The following ABCC3 variants were observed in gnomAD, a reference collection of about 807,000 sequenced individuals.
ABCC3 encodes the protein ATP binding cassette subfamily C member 3.
A neutral mutation model predicts 165.3 loss-of-function variants in ABCC3; 121 were observed. That is an observed-to-expected ratio of 0.73 (90% confidence interval 0.63 to 0.85). The LOEUF is 0.85. Ranked by LOEUF, ABCC3 falls within the 40% of genes least tolerant of loss-of-function variation. ABCC3 has a pLI of 0.00. For synonymous variants in ABCC3, 733 were observed against 810.1 expected, an observed-to-expected ratio of 0.90 and a Z score of 1.62; for missense variants, 1,869 against 1,964.1, an observed-to-expected ratio of 0.95 and a Z score of 0.92.
intron 26 of ABCC3, among the ~76,000 whole-genome samples, chr17:50,681,258 C>A (rs1382832497): frequency 1.3e-5 from 2 of 152,146 alleles, no homozygotes; most frequent in Non-Finnish European, 2.9e-5. Flanking sequence ...ATCGACCTTG[C>A]CTGACACCTC....
At chr17:50,675,019 C>T (rs980319592) in intron 19 of ABCC3, among the ~76,000 whole-genome samples, 2 of 151,892 alleles carry the variant, frequency 1.3e-5, no homozygotes, top group African/African-American at 2.4e-5. Context: ...AGGCTGGTCT[C>T]GATCTCCTGA....
chr17:50,658,328 TA>T (rs1967302847), intron 5 of ABCC3, 106 bp from the exon 6 acceptor site: 1 of 1,582,814 alleles, frequency 6.3e-7, no homozygotes, highest in Non-Finnish European at 8.7e-7. Flanking sequence ...CCACAATCTG[TA>T]AACTGGGGCT....
At chr17:50,668,747 GCC>G (rs1209607451) in intron 14 of ABCC3, 104 bp from the exon 15 acceptor site, 2 of 962,014 alleles carry the variant, frequency 2.1e-6, no homozygotes, top group Non-Finnish European at 3.3e-6. Flanking sequence ...CCTCCCCATG[GCC>G]CAGGCTCCTC....
intron 18 of ABCC3, 124 bp downstream of exon 18, chr17:50,673,262 G>T: frequency 7.4e-7 from 1 of 1,343,814 alleles, no homozygotes. Context: ...TGGGCATGTG[G>T]GTTGGGCATC....
intron 17 of ABCC3, 146 bp from the exon 18 acceptor site, chr17:50,672,825 T>C (rs530882058): frequency 4.5e-6 from 3 of 673,314 alleles, no homozygotes; most frequent in African/African-American, 3.7e-5. Flanking sequence ...TGAGCCAAGA[T>C]CGCACCACTG....
intron 29 of ABCC3, among the ~76,000 whole-genome samples, chr17:50,685,944 C>T (rs1968014144): frequency 6.6e-6 from 1 of 152,164 alleles, no homozygotes; most frequent in Non-Finnish European, 1.5e-5. Flanking sequence ...GCCTGTAATC[C>T]CAGCACTTTA....
chr17:50,680,501 G>A (rs1316361005), intron 26 of ABCC3, among the ~76,000 whole-genome samples: 2 of 152,052 alleles, frequency 1.3e-5, no homozygotes, highest in East Asian at 1.9e-4. Context: ...TTTGGCCCAC[G>A]CTCCTATCCT....
At position 50,687,555 on chromosome 17, in the gene ABCC3, G is replaced by A. The variant is rs559149910; in HGVS notation, c.4300G>A (p.Val1434Met). 1.5e-5 allele frequency: 24 copies of A among 1,613,666 alleles called. No individual in the cohort carries two copies. Among genetic ancestry groups the A allele is most frequent in the East Asian group, 6.7e-5 (3 of 44,886 alleles). The change falls in exon 30 of 31, where the codon GTG (valine) becomes ATG (methionine). Residue 1434 changes from valine (V) to methionine (M), a missense_variant. Val to Met is a conservative substitution (Grantham distance 21). Coordinates refer to ENST00000285238, the MANE Select transcript of ABCC3 (RefSeq NM_003786.4). ...TCCCAGCGTGGGCCAGAGGCAGCTC[G>A]TGTGCCTGGCCCGAGCCCTGCTCCG... ...ENLSVGQRQL[V>M]CLARALLRKS...
At position 50,658,843 on chromosome 17, in the gene ABCC3, T is replaced by C. The variant is rs1967315756; in HGVS notation, c.674+347T>C. Among the ~76,000 whole-genome samples, 2 of 152,228 alleles carry C rather than the reference T, an allele frequency of 1.3e-5. 1 individual carries two copies. Among genetic ancestry groups the C allele is most frequent in the South Asian group, 4.1e-4 (2 of 4,836 alleles). On this transcript the variant is annotated intron_variant, in intron 6 of 30. Transcript: ENST00000285238. ...TCCTTGGCTGCGCCTCAGAGCGGCTTGAGCAGGATAACTGTGTCTGTGACC... is the reference window on the plus strand; with the variant it reads ...TCCTTGGCTGCGCCTCAGAGCGGCTCGAGCAGGATAACTGTGTCTGTGACC...
At position 50,649,806 on chromosome 17, in the gene ABCC3, C is replaced by A. The variant is rs146673570; in HGVS notation, c.46-6026C>A. Among the ~76,000 whole-genome samples the A allele has an allele frequency of 2.8e-3, 424 of 152,202 alleles. 3 individuals are homozygous for A. Among genetic ancestry groups the A allele is most frequent in the African/African-American group, 9.9e-3 (410 of 41,532 alleles). On this transcript the variant is annotated intron_variant, in intron 1 of 30. Transcript: ENST00000285238. ...ATAAAATAAATTTTTTTAATAGGAT[C>A]ACAGGTCACTGTGAACAATAGCCGT...
In ABCC3 at chr17:50,691,233, C is replaced by A; in HGVS notation, c.*33C>A. 1 of 1,549,956 alleles carries A rather than the reference C, an allele frequency of 6.5e-7. No homozygotes were observed. On this transcript the variant is annotated 3_prime_UTR_variant, in exon 31 of 31. Coordinates refer to ENST00000285238, the MANE Select transcript of ABCC3 (RefSeq NM_003786.4). ...TCCTGAGATTTCCTCCTGGCCTTTC[C>A]TGGTTTTCATCAGGAAGGAAATGAC...
Position 50,643,333 on chromosome 17 carries a change from T to A in ABCC3, c.45+8352T>A, listed in dbSNP as rs137939985. On this transcript the variant is annotated intron_variant, in intron 1 of 30. Transcript: ENST00000285238. ...AGGCCTGGGCCAGCATGTCAGAGAC[T>A]CAGCAAGAGTATGTGGGTCCTTGGC... Among the ~76,000 whole-genome samples, 660 of 152,360 alleles carry A rather than the reference T, an allele frequency of 4.3e-3. 4 individuals are homozygous for A. Among genetic ancestry groups the A allele is most frequent in the African/African-American group, 0.015 (610 of 41,592 alleles).
Position 50,673,008 on chromosome 17 carries a change from G to C in ABCC3, c.2279G>C (p.Ser760Thr). 1 of 1,614,130 alleles carries C rather than the reference G, an allele frequency of 6.2e-7. No individual in the cohort carries two copies. Among genetic ancestry groups the C allele is most frequent in the South Asian group, 1.1e-5 (1 of 91,078 alleles). The part of the protein sequence containing the change: ...NLSGGQRQRV[S>T]LARAVYSDAD... The stretch of plus-strand genomic sequence containing the variant: ...TCTGGGGGCCAGCGGCAGCGGGTCA[G>C]TCTGGCTCGAGCTGTTTACAGTGAT... Residue 760 changes from serine to threonine, a missense_variant, in exon 18 of 31, where the codon AGT becomes ACT. Physicochemically the swap from Ser to Thr is moderately conservative, Grantham distance 58 (BLOSUM62 1). Coordinates refer to ENST00000285238, the MANE Select transcript of ABCC3 (RefSeq NM_003786.4).
intron 1 of ABCC3, among the ~76,000 whole-genome samples, chr17:50,650,359 T>G (rs947932134): frequency 2.0e-5 from 3 of 152,108 alleles, no homozygotes; most frequent in African/African-American, 7.2e-5. Flanking sequence ...CACCCGCCTC[T>G]GCCTCCCAAA....
At chr17:50,683,496 C>T (rs1448898316) in intron 26 of ABCC3, 114 bp from the exon 27 acceptor site, 5 of 1,234,402 alleles carry the variant, frequency 4.1e-6, no homozygotes, top group African/African-American at 1.6e-5. Context: ...GTGCCAAGGA[C>T]CCTCCCAGGG....
intron 25 of ABCC3, chr17:50,679,373 G>A (rs892381336): frequency 1.3e-5 from 2 of 156,310 alleles, no homozygotes; most frequent in African/African-American, 4.8e-5. Context: ...ATGGGGCTCA[G>A]GACTCTGCAC....
Position 50,692,181 on chromosome 17 carries a change from A to G in ABCC3, c.*981A>G. The stretch of plus-strand genomic sequence containing the variant: ...GAGAGGCCACCTCCTGCCCAGAGAG[A>G]AGCCACCCACACTCCCAGGTTGGCA... On this transcript the variant is annotated 3_prime_UTR_variant, in exon 31 of 31. Coordinates refer to ENST00000285238, the MANE Select transcript of ABCC3 (RefSeq NM_003786.4). 1 of 152,336 alleles carries G rather than the reference A, an allele frequency of 6.6e-6. No individual in the cohort carries two copies. The highest frequency in any genetic ancestry group is 3.4e-3 in the Middle Eastern group (1 of 296). The allele number at this position is 152,336 out of a possible 1,614,324, so 9.4% of individuals were successfully genotyped here. A position where few individuals can be genotyped will look rare whatever the true frequency, so the allele number is the denominator to read the frequency against.
At chr17:50,668,761 C>T (rs1967579665) in intron 14 of ABCC3, 92 bp from the exon 15 acceptor site, 1 of 1,086,268 alleles carries the variant, frequency 9.2e-7, no homozygotes, top group Admixed American at 1.9e-5. Flanking sequence ...AGGCTCCTCC[C>T]CTGTCCTCCT....
chr17:50,690,787 G>A (rs917361685), intron 30 of ABCC3, among the ~76,000 whole-genome samples: 12 of 152,340 alleles, frequency 7.9e-5, no homozygotes, highest in Admixed American at 3.3e-4. Flanking sequence ...GGCTCCCTGC[G>A]CACAGCCTGC....
Sources: allele counts gnomAD v4.1 joint callset (sites outside exome capture counted in the v4.1 genomes callset), GRCh38; gene constraint gnomAD v4.1.1; transcripts MANE v1.5; gene names NCBI Gene and HGNC (gene_info 2026-07-23, HGNC 2026-07-21).